SMIM36: variants seen among roughly 807,000 people sequenced by gnomAD.
SMIM36 encodes small integral membrane protein 36.
chr17:55,499,776 T>C (rs927905009), intron 1 of SMIM36, among the ~76,000 whole-genome samples: 7 of 152,180 alleles, frequency 4.6e-5, no homozygotes, highest in Non-Finnish European at 8.8e-5. Context: ...ATAAACCTCT[T>C]GGTTCTAGCT....
chr17:55,530,086 AAG>A, the SMIM36 span, among the ~76,000 whole-genome samples: 1 of 152,242 alleles, frequency 6.6e-6, no homozygotes, highest in Non-Finnish European at 1.5e-5. Context: ...AGAGAAATAA[AAG>A]AGAAAGTTTG....
chr17:55,511,178 C>T (rs1406905741), exon 1 of SMIM36: 33 of 398,464 alleles, frequency 8.3e-5, no homozygotes, highest in Admixed American at 8.8e-5. Context: ...GGCTGGGCCT[C>T]GAGAGTGGCC....
At chr17:55,514,558 C>T (rs568698568), upstream of SMIM36, among the ~76,000 whole-genome samples, 14 of 152,264 alleles carry the variant, frequency 9.2e-5, no homozygotes, top group South Asian at 2.9e-3. Flanking sequence ...CTTTTTCCCT[C>T]TCACCCTCTC....
At chr17:55,499,198 C>T (rs1367640003) in intron 1 of SMIM36, among the ~76,000 whole-genome samples, 1 of 152,028 alleles carries the variant, frequency 6.6e-6, no homozygotes, top group Non-Finnish European at 1.5e-5. Flanking sequence ...TCTGATAGGG[C>T]ATCTTATTCA....
chr17:55,487,723 A>C (rs775782635), intron 1 of SMIM36, among the ~76,000 whole-genome samples: 6 of 152,192 alleles, frequency 3.9e-5, no homozygotes, highest in Non-Finnish European at 8.8e-5. Context: ...TCTTCCCTCC[A>C]GCAGTATCAC....
intron 1 of SMIM36, among the ~76,000 whole-genome samples, chr17:55,488,728 A>T (rs1049304805): frequency 6.6e-6 from 1 of 152,140 alleles, no homozygotes. Context: ...CTTTGTATAC[A>T]CTTCTTATAG....
At chr17:55,478,374 C>T (rs189477784) in intron 3 of SMIM36, among the ~76,000 whole-genome samples, 50 of 152,046 alleles carry the variant, frequency 3.3e-4, no homozygotes, top group African/African-American at 1.1e-3. Context: ...GCTGGGACTA[C>T]AGGTGCCACA....
the SMIM36 span, among the ~76,000 whole-genome samples, chr17:55,524,999 A>G: frequency 6.6e-6 from 1 of 152,156 alleles, no homozygotes; most frequent in Non-Finnish European, 1.5e-5. Flanking sequence ...AGATGAGAAA[A>G]CTGAGGCACA....
intron 4 of SMIM36, among the ~76,000 whole-genome samples, chr17:55,458,918 G>C (rs557243434): frequency 6.6e-6 from 1 of 152,152 alleles, no homozygotes; most frequent in Non-Finnish European, 1.5e-5. Flanking sequence ...AAGAAACCCC[G>C]GGGTACAGAA....
At position 55,467,337 on chromosome 17, in the gene SMIM36, T is replaced by A. The variant is rs942479676; in HGVS notation, c.*348-9A>T. The A allele has an allele frequency of 1.3e-5, 2 of 152,074 alleles. No homozygotes were observed. Among genetic ancestry groups the A allele is most frequent in the African/African-American group, 4.8e-5 (2 of 41,404 alleles). 9.4% of individuals were successfully genotyped at this position (152,074 alleles called of 1,614,324 possible). On this transcript the variant is annotated splice_polypyrimidine_tract_variant and intron_variant, in intron 3 of 4. Transcript: ENST00000636752. ...CCAGTCAGTTCCATCACCTATAGGATGAAAACAGAGACACCAACCTCAAAG... is the reference window on the plus strand; with the variant it reads ...CCAGTCAGTTCCATCACCTATAGGAAGAAAACAGAGACACCAACCTCAAAG...
intron 3 of SMIM36, among the ~76,000 whole-genome samples, chr17:55,475,250 G>A (rs747200387): frequency 2.0e-5 from 3 of 152,084 alleles, no homozygotes; most frequent in Admixed American, 6.6e-5. Flanking sequence ...CCATCGTAGC[G>A]GATATCTCCT....
chr17:55,503,051 C>T (rs1723440511), intron 1 of SMIM36, among the ~76,000 whole-genome samples: 1 of 143,228 alleles, frequency 7.0e-6, no homozygotes, highest in South Asian at 2.3e-4. Flanking sequence ...ATGAGCAAAG[C>T]CTCCAAGAAA....
In SMIM36 at chr17:55,500,852, TATAATATA is replaced by T. The variant is rs1397634336; in HGVS notation, c.*174+10019_*174+10026del. Among the ~76,000 whole-genome samples, 11 of 20,960 alleles carry T rather than the reference TATAATATA, an allele frequency of 5.2e-4. 1 individual carries two copies. The highest frequency in any genetic ancestry group is 6.8e-4 in the Admixed American group (1 of 1,470). The allele number at this position is 20,960 out of a possible 152,430, so 13.8% of individuals were successfully genotyped here. The stretch of plus-strand genomic sequence containing the variant: ...TAATATATATTATAATATATTATAT[TATAATATA>T]TTATAATATATTATATTTTATAATA... On this transcript the variant is annotated intron_variant, in intron 1 of 4. Coordinates refer to ENST00000636752, the Ensembl canonical transcript of SMIM36.
intron 1 of SMIM36, among the ~76,000 whole-genome samples, chr17:55,482,324 T>C (rs970683471): frequency 2.6e-5 from 4 of 152,174 alleles, no homozygotes; most frequent in African/African-American, 9.7e-5. Flanking sequence ...TCATCTGCCC[T>C]ACCCTGCCTA....
intron 1 of SMIM36, among the ~76,000 whole-genome samples, chr17:55,509,305 GC>G (rs1910140902): frequency 6.6e-6 from 1 of 152,122 alleles, no homozygotes; most frequent in Admixed American, 6.6e-5. Context: ...TAATTATTTT[GC>G]TTTCAAGCTT....
intron 4 of SMIM36, among the ~76,000 whole-genome samples, chr17:55,466,617 G>T (rs775959535): frequency 9.9e-5 from 15 of 152,044 alleles, no homozygotes; most frequent in South Asian, 2.1e-4. Context: ...TCTTCATTTC[G>T]GAGCTCCTCT....
chr17:55,515,021 G>A (rs149974735), upstream of SMIM36, among the ~76,000 whole-genome samples: 3,393 of 147,534 alleles, frequency 0.023, 62 homozygotes, highest in South Asian at 0.055. Context: ...ACTTTCTCGA[G>A]TCCAAACAGA....
chr17:55,458,009 CT>C (rs903137763), intron 4 of SMIM36, among the ~76,000 whole-genome samples: 4 of 152,040 alleles, frequency 2.6e-5, no homozygotes, highest in Non-Finnish European at 1.5e-5. Flanking sequence ...AGTATGTGCT[CT>C]CCGCTTTTAG....
chr17:55,476,280 A>G (rs1428340370), intron 3 of SMIM36, among the ~76,000 whole-genome samples: 2 of 152,014 alleles, frequency 1.3e-5, no homozygotes, highest in African/African-American at 4.8e-5. Flanking sequence ...CTTCTCCTGG[A>G]CAGTGAGTCT....
Sources: allele counts gnomAD v4.1 joint callset (sites outside exome capture counted in the v4.1 genomes callset), GRCh38; gene constraint gnomAD v4.1.1; transcripts MANE v1.5; gene names NCBI Gene and HGNC (gene_info 2026-07-23, HGNC 2026-07-21).